The following ITPKC variants were observed in gnomAD, a reference collection of about 807,000 sequenced individuals.
The protein encoded by ITPKC is IP3 3-kinase C.
Under a neutral mutation model 67.1 loss-of-function variants are expected in ITPKC, and 33 were observed. The observed-to-expected ratio is 0.49, with a 90% CI of 0.37 to 0.66. The LOEUF is 0.66. Ranked by LOEUF, ITPKC falls within the 30% of genes least tolerant of loss-of-function variation. ITPKC has a pLI of 0.00. For missense variants in ITPKC, 820 were observed against 892.1 expected, an observed-to-expected ratio of 0.92 and a Z score of 1.03; for synonymous variants, 341 against 359.8, an observed-to-expected ratio of 0.95 and a Z score of 0.59.
rs577260442 is a variant in ITPKC, at chr19:40,723,792, C to T, written c.1156-1548C>T. 1.2e-4 allele frequency among the ~76,000 whole-genome samples: 19 copies of T among 152,240 alleles called. No homozygotes were observed. In the South Asian group the frequency reaches 3.5e-3, roughly 28 times the overall value. On this transcript the variant is annotated intron_variant, in intron 1 of 6. Transcript: ENST00000263370. ...GATTACAGGTGAGAGCCACCACACCCGGCCTATTTCTTTATCTTTTAGCAA... is the reference window on the plus strand; with the variant it reads ...GATTACAGGTGAGAGCCACCACACCTGGCCTATTTCTTTATCTTTTAGCAA...
At chr19:40,733,563 G>A (rs1408139524) in intron 4 of ITPKC, among the ~76,000 whole-genome samples, 199 bp downstream of exon 4, 3 of 152,114 alleles carry the variant, frequency 2.0e-5, no homozygotes, top group African/African-American at 7.2e-5. Context: ...AGCATCTCCT[G>A]AGTCCATCTT....
intron 2 of ITPKC, among the ~76,000 whole-genome samples, chr19:40,728,500 AC>A (rs1173636513): frequency 6.6e-6 from 1 of 152,236 alleles, no homozygotes; most frequent in East Asian, 1.9e-4. Flanking sequence ...CTATAAATTA[AC>A]TTAAATAGGC....
In ITPKC at chr19:40,739,631, G is replaced by T; in HGVS notation, c.*71G>T. 2.1e-6 allele frequency: 3 copies of T among 1,436,664 alleles called. No individual in the cohort carries two copies. Among genetic ancestry groups the T allele is most frequent in the Non-Finnish European group, 1.9e-6 (2 of 1,053,072 alleles). 89.0% of individuals were successfully genotyped at this position (1,436,664 alleles called of 1,614,324 possible). Reference sequence around the variant, plus strand: ...GGAGGAGCCCTGAGATGCCATGGGAGGCCTGAGGTTGGCCACGGGGGAGCT... The same window carrying T: ...GGAGGAGCCCTGAGATGCCATGGGATGCCTGAGGTTGGCCACGGGGGAGCT... On this transcript the variant is annotated 3_prime_UTR_variant, in exon 7 of 7. Transcript: ENST00000263370.
At chr19:40,725,275 C>T in intron 1 of ITPKC, 65 bp from the exon 2 acceptor site, 2 of 1,020,836 alleles carry the variant, frequency 2.0e-6, no homozygotes, top group Non-Finnish European at 1.5e-6. Context: ...CCTCTCATGG[C>T]AGCACCTCTA....
At chr19:40,722,434 G>T (rs1403901553) in intron 1 of ITPKC, among the ~76,000 whole-genome samples, 1 of 152,166 alleles carries the variant, frequency 6.6e-6, no homozygotes, top group East Asian at 1.9e-4. Flanking sequence ...CCGGCAGCTG[G>T]ATTGGGGAGG....
chr19:40,731,861 G>A (rs946704717), intron 3 of ITPKC, among the ~76,000 whole-genome samples: 4 of 152,080 alleles, frequency 2.6e-5, no homozygotes, highest in African/African-American at 9.7e-5. Flanking sequence ...CCTGCCTTGG[G>A]GCAGGTGAAA....
chr19:40,729,421 GCTGGGGCAGCC>G lies in ITPKC; in HGVS notation c.1469+16_1469+26del, dbSNP rs757083194. 7 of 1,610,092 alleles carry G rather than the reference GCTGGGGCAGCC, an allele frequency of 4.3e-6. No individual in the cohort carries two copies. The highest frequency in any genetic ancestry group is 2.2e-5 in the East Asian group (1 of 44,798). ...GACTGCAAGATGGGCAGCAGGTGGG[GCTGGGGCAGCC>G]CTGGGGCAGGGATGGAGGGCAGGGG... On this transcript the variant is annotated splice_region_variant and intron_variant, in intron 3 of 6. Coordinates refer to ENST00000263370, the MANE Select transcript of ITPKC (RefSeq NM_025194.3).
intron 4 of ITPKC, among the ~76,000 whole-genome samples, chr19:40,734,066 C>T (rs911653634): frequency 2.6e-5 from 4 of 152,204 alleles, no homozygotes; most frequent in African/African-American, 9.7e-5. Context: ...TCTTGTATTT[C>T]TTCCTGTTAG....
At chr19:40,727,791 T>G (rs1451300574) in intron 2 of ITPKC, among the ~76,000 whole-genome samples, 1 of 152,192 alleles carries the variant, frequency 6.6e-6, no homozygotes, top group Non-Finnish European at 1.5e-5. Flanking sequence ...CCGTCCCATA[T>G]TTAATGGGAG....
rs182503287 is a variant in ITPKC at position 40,729,196 on chromosome 19, C to A, written c.1256-6C>A. 1.2e-6 allele frequency: 2 copies of A among 1,612,718 alleles called. No homozygotes were observed. Among genetic ancestry groups the A allele is most frequent in the African/African-American group, 2.7e-5 (2 of 75,004 alleles). ...CTGATCCTCTCATTTATTCTACCAC[C>A]TTTAGGGAACTTCCAGGCAGGAGAG... On this transcript the variant is annotated splice_region_variant and splice_polypyrimidine_tract_variant and intron_variant, in intron 2 of 6. Coordinates refer to ENST00000263370, the MANE Select transcript of ITPKC (RefSeq NM_025194.3).
chr19:40,733,341 G>A lies in ITPKC; in HGVS notation c.1651G>A (p.Gly551Ser). Residue 551 changes from glycine to serine, a missense_variant, in exon 4 of 7, where the codon GGC becomes AGC. Physicochemically the swap from Gly to Ser is moderately conservative, Grantham distance 56. Coordinates refer to ENST00000263370, the MANE Select transcript of ITPKC (RefSeq NM_025194.3). ...AACCATGAGCTCCACCTCTACCCTGGGCTTCCGGATCGAGGGCATCAAGGT... is the reference window on the plus strand; with the variant it reads ...AACCATGAGCTCCACCTCTACCCTGAGCTTCCGGATCGAGGGCATCAAGGT... ...RETMSSTSTL[G>S]FRIEGIKKAD... 6.2e-7 allele frequency: 1 copy of A among 1,612,190 alleles called. No individual in the cohort carries two copies. Among genetic ancestry groups the A allele is most frequent in the Non-Finnish European group, 8.5e-7 (1 of 1,179,184 alleles).
intron 6 of ITPKC, among the ~76,000 whole-genome samples, chr19:40,739,093 G>T (rs2082309923): frequency 6.6e-6 from 1 of 151,638 alleles, no homozygotes; most frequent in African/African-American, 2.4e-5. Flanking sequence ...ACTTGACTGA[G>T]AGTAACTAAA....
chr19:40,723,180 C>A (rs1477450918), intron 1 of ITPKC, among the ~76,000 whole-genome samples: 1 of 152,170 alleles, frequency 6.6e-6, no homozygotes, highest in African/African-American at 2.4e-5. Flanking sequence ...CCAGGATGGT[C>A]TCAATCTCCT....
At position 40,739,824 on chromosome 19, in the gene ITPKC, T is replaced by G; in HGVS notation, c.*264T>G. 1.9e-6 allele frequency: 1 copy of G among 520,876 alleles called. No individual in the cohort carries two copies. Among genetic ancestry groups the G allele is most frequent in the Non-Finnish European group, 3.5e-6 (1 of 289,700 alleles). The allele number at this position is 520,876 out of a possible 1,614,324, so 32.3% of individuals were successfully genotyped here. ...GTGAGTCAGAAAAACCAGAACGGGG[T>G]CCCCGGATCTGCCGGGAAGGCTTCT... On this transcript the variant is annotated 3_prime_UTR_variant, in exon 7 of 7. Coordinates refer to ENST00000263370, the MANE Select transcript of ITPKC (RefSeq NM_025194.3).
chr19:40,719,494 C>G (rs532649833), intron 1 of ITPKC, among the ~76,000 whole-genome samples: 73 of 146,152 alleles, frequency 5.0e-4, no homozygotes, highest in African/African-American at 1.8e-3. Context: ...GAGGTAGATA[C>G]TTTTTTTTTT....
rs1599645719 is a variant in ITPKC, at chr19:40,718,275, C to A, written c.1140C>A (p.Pro380=). The A allele has an allele frequency of 6.6e-7, 1 of 1,518,054 alleles. No individual in the cohort carries two copies. Among genetic ancestry groups the A allele is most frequent in the East Asian group, 2.3e-5 (1 of 44,186 alleles). 94.0% of individuals were successfully genotyped at this position (1,518,054 alleles called of 1,614,324 possible). A position where few individuals can be genotyped will look rare whatever the true frequency, so the allele number is the denominator to read the frequency against. Residue 380 remains proline, a synonymous_variant, in exon 1 of 7, where the codon CCC becomes CCA. Transcript: ENST00000263370. ...CCGGGGGCGGAGGTGCCAGCGATCC[C>A]GAGGACAGGTCTGGGGTGAGTGGGA... is the stretch of plus-strand genomic sequence containing the variant. ...VVAGGGGASD[P]EDRSGSKPWK...
At position 40,737,028 on chromosome 19, in the gene ITPKC, G is replaced by T. The variant is rs145793510; in HGVS notation, c.1717G>T (p.Ala573Ser). 6 of 1,594,450 alleles carry T rather than the reference G, an allele frequency of 3.8e-6. No individual in the cohort carries two copies. Among genetic ancestry groups the T allele is most frequent in the Non-Finnish European group, 5.1e-6 (6 of 1,169,088 alleles). Residue 573 changes from alanine (A) to serine (S), a missense_variant, in exon 5 of 7, where the codon GCA becomes TCA. By Grantham distance (99) the Ala-to-Ser change is moderately conservative. Coordinates refer to ENST00000263370, the MANE Select transcript of ITPKC (RefSeq NM_025194.3). The part of the protein sequence containing the change: ...TCNTNFKKTQ[A>S]LEQVTKVLED... ...TAACACCAACTTCAAGAAGACGCAG[G>T]CACTGGAGCAGGTGACAAAAGTGCT... is the stretch of plus-strand genomic sequence containing the variant.
rs1031421458 is a variant in ITPKC, at chr19:40,731,219, G to A, written c.1469+1804G>A. On this transcript the variant is annotated intron_variant, in intron 3 of 6. Transcript: ENST00000263370. ...CGGGGCCCCACCGTAGGAGGCCAGC[G>A]AGCATTACCGCTTGAACTCCACCTC... Among the ~76,000 whole-genome samples the A allele has an allele frequency of 1.2e-4, 19 of 152,272 alleles. No individual in the cohort carries two copies. The East Asian group carries it at 3.1e-3, about 25-fold the overall frequency.
chr19:40,739,170 G>A (rs2082310632), intron 6 of ITPKC, among the ~76,000 whole-genome samples, 187 bp from the exon 7 acceptor site: 1 of 152,212 alleles, frequency 6.6e-6, no homozygotes, highest in Non-Finnish European at 1.5e-5. Context: ...ATATGAGGAC[G>A]CAGAACCACA....
Sources: allele counts gnomAD v4.1 joint callset (sites outside exome capture counted in the v4.1 genomes callset), GRCh38; gene constraint gnomAD v4.1.1; transcripts MANE v1.5; gene names NCBI Gene and HGNC (gene_info 2026-07-23, HGNC 2026-07-21).